NICOL1: variants seen among roughly 807,000 people sequenced by gnomAD.
NICOL1 encodes the protein NELL2-interacting cell ontogeny regulator 1.
At chr4:2,038,237 G>GTACATATATA in the NICOL1 span, among the ~76,000 whole-genome samples, 5 of 91,468 alleles carry the variant, frequency 5.5e-5, no homozygotes, top group South Asian at 4.0e-4. Context: ...TGATCAGTGT[G>GTACATATATA]TATATATATA....
chr4:2,039,969 T>G, the NICOL1 span, among the ~76,000 whole-genome samples: 3 of 152,002 alleles, frequency 2.0e-5, no homozygotes, highest in Non-Finnish European at 4.4e-5. Flanking sequence ...AAGGAATAAT[T>G]TTAAGGTTAT....
chr4:2,036,903 A>C, the NICOL1 span, among the ~76,000 whole-genome samples: 1 of 152,076 alleles, frequency 6.6e-6, no homozygotes, highest in Non-Finnish European at 1.5e-5. Flanking sequence ...GGTGTCCTCC[A>C]CAGGGGAGGC....
At chr4:2,042,728 C>A in the NICOL1 span, 1 of 1,508,236 alleles carries the variant, frequency 6.6e-7, no homozygotes, top group South Asian at 1.2e-5. Flanking sequence ...GACCCGCGCC[C>A]CCCGCAGGCC....
the NICOL1 span, among the ~76,000 whole-genome samples, chr4:2,038,235 G>GTATATATATA: frequency 1.2e-5 from 1 of 84,554 alleles, no homozygotes; most frequent in Non-Finnish European, 2.3e-5. Flanking sequence ...AGTGATCAGT[G>GTATATATATA]TGTATATATA....
chr4:2,041,977 G>GGGGTC, the NICOL1 span: 5 of 1,452,644 alleles, frequency 3.4e-6, no homozygotes, highest in Non-Finnish European at 4.5e-6. Context: ...GAACCCGGGC[G>GGGGTC]GGGTCGGGTC....
At chr4:2,039,881 A>C in the NICOL1 span, among the ~76,000 whole-genome samples, 1 of 152,176 alleles carries the variant, frequency 6.6e-6, no homozygotes, top group Admixed American at 6.5e-5. Context: ...ATAATTCTGT[A>C]TATAAAGTGC....
the NICOL1 span, among the ~76,000 whole-genome samples, chr4:2,036,593 C>T: frequency 3.3e-5 from 5 of 152,152 alleles, no homozygotes; most frequent in African/African-American, 1.2e-4. Context: ...AAGCTGAAGA[C>T]AGACGGAAGC....
At chr4:2,038,102 T>C in the NICOL1 span, among the ~76,000 whole-genome samples, 108 of 151,092 alleles carry the variant, frequency 7.1e-4, 1 homozygote, top group Non-Finnish European at 1.2e-3. Context: ...TCCAAACATA[T>C]GGAAGTTTTC....
the NICOL1 span, chr4:2,042,746 C>G: frequency 6.6e-7 from 1 of 1,515,988 alleles, no homozygotes; most frequent in Non-Finnish European, 8.8e-7. Context: ...GCCGCCCATG[C>G]GTGGACTGCC....
chr4:2,039,543 G>A, the NICOL1 span, among the ~76,000 whole-genome samples: 1 of 152,082 alleles, frequency 6.6e-6, no homozygotes, highest in Non-Finnish European at 1.5e-5. Context: ...ATTACTAAGA[G>A]TTAAACTTAG....
the NICOL1 span, among the ~76,000 whole-genome samples, chr4:2,039,808 C>G: frequency 6.6e-6 from 1 of 151,994 alleles, no homozygotes; most frequent in South Asian, 2.1e-4. Context: ...CCACTGCACT[C>G]CAGACTGGGT....
chr4:2,041,940 G>A, the NICOL1 span: 1 of 1,447,988 alleles, frequency 6.9e-7, no homozygotes, highest in Non-Finnish European at 9.0e-7. Context: ...GCAGTCTCGG[G>A]TTTCCATGAC....
the NICOL1 span, chr4:2,042,355 GC>G: frequency 1.2e-4 from 61 of 509,596 alleles, no homozygotes; most frequent in South Asian, 4.9e-4. Flanking sequence ...GCTGGCCATG[GC>G]CCCCCCGCCC....
the NICOL1 span, among the ~76,000 whole-genome samples, chr4:2,038,166 AT>A: frequency 2.7e-5 from 4 of 146,352 alleles, no homozygotes; most frequent in East Asian, 4.0e-4. Context: ...AGTTAAAAAA[AT>A]GATCTGTATG....
At chr4:2,041,150 T>TGGGGGGGGGGGGGGGGG in the NICOL1 span, among the ~76,000 whole-genome samples, 3 of 65,616 alleles carry the variant, frequency 4.6e-5, no homozygotes, top group South Asian at 5.1e-4. Flanking sequence ...CTGGGTGGGG[T>TGGGGGGGGGGGGGGGGG]GGGGGGGGAG....
chr4:2,043,628 T>C, the NICOL1 span, among the ~76,000 whole-genome samples: 1 of 152,042 alleles, frequency 6.6e-6, no homozygotes, highest in Non-Finnish European at 1.5e-5. Context: ...AGAAGGCAGG[T>C]GGGCACGCTG....
the NICOL1 span, among the ~76,000 whole-genome samples, chr4:2,039,778 C>T: frequency 7.2e-5 from 11 of 151,870 alleles, no homozygotes; most frequent in Admixed American, 5.3e-4. Context: ...AGGTGGAGGT[C>T]GCAGTGAGCC....
At chr4:2,040,654 C>T in the NICOL1 span, among the ~76,000 whole-genome samples, 1 of 152,100 alleles carries the variant, frequency 6.6e-6, no homozygotes, top group African/African-American at 2.4e-5. Context: ...GCCCGACACT[C>T]GGGAGGGCCG....
chr4:2,042,440 CCCGGGCCCGCG>C, the NICOL1 span: 1 of 445,464 alleles, frequency 2.2e-6, no homozygotes, highest in Non-Finnish European at 3.9e-6. Context: ...CTGCTGGGCG[CCCGGGCCCGCG>C]CCGAGCCCGC....
Sources: gnomAD v4.1 joint callset for allele counts (sites outside exome capture counted in the v4.1 genomes callset) on GRCh38, gnomAD v4.1.1 for gene constraint, MANE v1.5 for transcripts, NCBI Gene and HGNC (gene_info 2026-07-23, HGNC 2026-07-21) for gene names.